Variants in RXFP1 observed in about 807,000 individuals in gnomAD.
RXFP1 encodes relaxin family peptide receptor 1.
RXFP1 carries 73 observed loss-of-function variants against 89.8 expected under a neutral mutation model. The observed-to-expected ratio is 0.81, with a 90% confidence interval of 0.67 to 0.99. The LOEUF is 0.99. RXFP1 is among the 50% of genes least tolerant of loss of function. The pLI is 0.00. For synonymous variants in RXFP1, 277 were observed against 305.5 expected, an observed-to-expected ratio of 0.91 and a Z score of 0.97; for missense variants, 793 against 895.5, an observed-to-expected ratio of 0.89 and a Z score of 1.46.
chr4:158,648,656 A>T lies in RXFP1; in HGVS notation c.1914A>T (p.Ala638=). Residue 638 remains alanine (A), a synonymous_variant, in exon 17 of 18, where the codon GCA becomes GCT. Coordinates refer to ENST00000307765, the MANE Select transcript of RXFP1 (RefSeq NM_021634.4). ...KRFFFIVFTD[A]LCWIPIFVVK... The stretch of plus-strand genomic sequence containing the variant: ...TTTTCTTTATAGTATTTACTGATGC[A>T]TTATGCTGGATACCCATTTTTGTAG... The T allele has an allele frequency of 6.2e-7, 1 of 1,612,606 alleles. No homozygotes were observed. Among genetic ancestry groups the T allele is most frequent in the Non-Finnish European group, 8.5e-7 (1 of 1,179,460 alleles).
At chr4:158,558,833 A>G (rs918859303) in intron 1 of RXFP1, among the ~76,000 whole-genome samples, 1 of 152,212 alleles carries the variant, frequency 6.6e-6, no homozygotes. Flanking sequence ...CTAAGTGATC[A>G]GTATTTTTAA....
intron 1 of RXFP1, among the ~76,000 whole-genome samples, chr4:158,563,401 A>G (rs1164233520): frequency 6.6e-6 from 1 of 152,154 alleles, no homozygotes; most frequent in East Asian, 1.9e-4. Flanking sequence ...ATATAAATAT[A>G]AAATAAAAAT....
intron 9 of RXFP1, among the ~76,000 whole-genome samples, chr4:158,618,804 C>T (rs1234799151): frequency 6.6e-6 from 1 of 151,866 alleles, no homozygotes; most frequent in Non-Finnish European, 1.5e-5. Flanking sequence ...TATATTAGTT[C>T]TTGCAAAGCA....
At chr4:158,573,003 T>C (rs1327802688) in intron 2 of RXFP1, 168 bp downstream of exon 2, 7 of 1,042,960 alleles carry the variant, frequency 6.7e-6, no homozygotes, top group African/African-American at 1.6e-5. Flanking sequence ...TCCACTCTTT[T>C]CTTTTCTTGT....
intron 3 of RXFP1, among the ~76,000 whole-genome samples, chr4:158,594,037 T>A (rs1282731873): frequency 6.6e-6 from 1 of 152,250 alleles, no homozygotes; most frequent in Non-Finnish European, 1.5e-5. Flanking sequence ...ATCAGAAAGA[T>A]ATATGAAAAT....
At chr4:158,629,979 A>C (rs772895480) in intron 11 of RXFP1, among the ~76,000 whole-genome samples, 18 of 152,298 alleles carry the variant, frequency 1.2e-4, no homozygotes, top group Middle Eastern at 3.4e-3. Flanking sequence ...TGTTTTGACA[A>C]TTAGCTAGAC....
At chr4:158,596,535 C>T (rs1487836182) in intron 3 of RXFP1, among the ~76,000 whole-genome samples, 2 of 152,188 alleles carry the variant, frequency 1.3e-5, no homozygotes, top group Non-Finnish European at 2.9e-5. Context: ...GCTGGGATTA[C>T]AGGCATGAGC....
chr4:158,601,473 T>C (rs1236178388), intron 4 of RXFP1, among the ~76,000 whole-genome samples: 1 of 152,226 alleles, frequency 6.6e-6, no homozygotes, highest in African/African-American at 2.4e-5. Flanking sequence ...CAGGAGTTTA[T>C]GTCTACGGTA....
chr4:158,571,925 A>T (rs1258189040), intron 1 of RXFP1, among the ~76,000 whole-genome samples: 1 of 152,200 alleles, frequency 6.6e-6, no homozygotes. Flanking sequence ...GGCCAGGTAA[A>T]GCCATGTGTG....
intron 1 of RXFP1, among the ~76,000 whole-genome samples, chr4:158,536,749 G>A (rs1314166046): frequency 2.0e-5 from 3 of 151,976 alleles, no homozygotes; most frequent in Non-Finnish European, 4.4e-5. Context: ...AAAGATTAGT[G>A]GTTTGCCTTC....
rs781413042 is a variant in RXFP1 at position 158,648,628 on chromosome 4, G to A, written c.1886G>A (p.Arg629His). Reference sequence around the variant, plus strand: ...AAAAAAGAGATGATCCTTGCCAAACGTTTTTTCTTTATAGTATTTACTGAT... The same window carrying A: ...AAAAAAGAGATGATCCTTGCCAAACATTTTTTCTTTATAGTATTTACTGAT... ...QVKKEMILAK[R>H]FFFIVFTDAL... The change falls in exon 17 of 18, where the codon CGT becomes CAT. Residue 629 changes from arginine to histidine, a missense_variant. Physicochemically the swap from Arg to His is conservative, Grantham distance 29 (BLOSUM62 0). Coordinates refer to ENST00000307765, the MANE Select transcript of RXFP1 (RefSeq NM_021634.4). 8 of 1,612,948 alleles carry A rather than the reference G, an allele frequency of 5.0e-6. No homozygotes were observed. The highest frequency in any genetic ancestry group is 1.3e-5 in the African/African-American group (1 of 74,832).
intron 5 of RXFP1, among the ~76,000 whole-genome samples, chr4:158,605,438 G>T (rs539869685): frequency 2.6e-5 from 4 of 152,128 alleles, no homozygotes; most frequent in Non-Finnish European, 4.4e-5. Context: ...TATCCTCTGC[G>T]TTATTCTAGC....
intron 6 of RXFP1, among the ~76,000 whole-genome samples, chr4:158,608,373 C>T (rs1320818601): frequency 4.1e-5 from 6 of 145,528 alleles, no homozygotes; most frequent in South Asian, 2.2e-4. Flanking sequence ...CTGCAGCCTC[C>T]GCCTTCCAGG....
intron 2 of RXFP1, among the ~76,000 whole-genome samples, chr4:158,574,800 G>A (rs1755862521): frequency 6.6e-6 from 1 of 152,134 alleles, no homozygotes; most frequent in South Asian, 2.1e-4. Context: ...TGTGATGGCA[G>A]TAACTCAAGT....
chr4:158,651,199 T>C (rs1435394500), intron 17 of RXFP1, among the ~76,000 whole-genome samples: 1 of 152,218 alleles, frequency 6.6e-6, no homozygotes, highest in African/African-American at 2.4e-5. Flanking sequence ...TTTTGGTATT[T>C]CTATATATAT....
chr4:158,580,834 A>G (rs534277755), intron 2 of RXFP1, among the ~76,000 whole-genome samples: 4 of 152,234 alleles, frequency 2.6e-5, no homozygotes, highest in East Asian at 3.9e-4. Context: ...GTCTTGCTCT[A>G]TCACCCAGAC....
chr4:158,546,955 T>C (rs1286328831), intron 1 of RXFP1, among the ~76,000 whole-genome samples: 1 of 152,150 alleles, frequency 6.6e-6, no homozygotes, highest in Non-Finnish European at 1.5e-5. Context: ...AGGATGATGC[T>C]GGCCTCATAA....
At chr4:158,546,256 G>T (rs1204690715) in intron 1 of RXFP1, among the ~76,000 whole-genome samples, 1 of 152,134 alleles carries the variant, frequency 6.6e-6, no homozygotes, top group East Asian at 1.9e-4. Context: ...CTGTTTGTCT[G>T]TTATTGGTGT....
intron 1 of RXFP1, among the ~76,000 whole-genome samples, chr4:158,532,195 T>G (rs891951147): frequency 7.2e-6 from 1 of 139,372 alleles, no homozygotes; most frequent in Non-Finnish European, 1.5e-5. Context: ...GTAGCGTTTG[T>G]TTTTCTGTCT....
Sources: gnomAD v4.1 joint callset for allele counts (sites outside exome capture counted in the v4.1 genomes callset) on GRCh38, gnomAD v4.1.1 for gene constraint, MANE v1.5 for transcripts, NCBI Gene and HGNC (gene_info 2026-07-23, HGNC 2026-07-21) for gene names.